MLLT3: variants seen among roughly 807,000 people sequenced by gnomAD.
MLLT3 encodes MLLT3 super elongation complex subunit, also known as protein AF-9.
Under a neutral mutation model 53.2 loss-of-function variants are expected in MLLT3, and 4 were observed. That is an observed-to-expected ratio of 0.08 (90% CI 0.04 to 0.17). MLLT3 has a LOEUF of 0.17. MLLT3 is among the 10% of genes least tolerant of loss of function. The probability of loss-of-function intolerance (pLI) is 1.00; values close to 1 mark genes in which losing one functional copy is unlikely to be tolerated. For synonymous variants in MLLT3, 283 were observed against 230.6 expected, an observed-to-expected ratio of 1.23 and a Z score of -2.06; for missense variants, 569 against 684.0, an observed-to-expected ratio of 0.83 and a Z score of 1.87.
chr9:20,538,602 GA>G (rs1818544707), intron 2 of MLLT3, among the ~76,000 whole-genome samples: 1 of 152,102 alleles, frequency 6.6e-6, no homozygotes, highest in Admixed American at 6.5e-5. Flanking sequence ...AGATAAAAGA[GA>G]AAAGAAGGAA....
At chr9:20,557,102 T>C (rs1184676018) in intron 2 of MLLT3, among the ~76,000 whole-genome samples, 1 of 152,102 alleles carries the variant, frequency 6.6e-6, no homozygotes, top group Non-Finnish European at 1.5e-5. Flanking sequence ...AGGAACATCA[T>C]TTCCTCCACA....
intron 5 of MLLT3, among the ~76,000 whole-genome samples, chr9:20,379,010 A>G (rs1296340729): frequency 6.6e-6 from 1 of 152,086 alleles, no homozygotes; most frequent in Non-Finnish European, 1.5e-5. Flanking sequence ...CACACATCTT[A>G]TATAAGCCTA....
chr9:20,476,534 G>T (rs1045854933), intron 2 of MLLT3, among the ~76,000 whole-genome samples: 1 of 151,944 alleles, frequency 6.6e-6, no homozygotes, highest in African/African-American at 2.4e-5. Context: ...AATAAGTAAT[G>T]TCAACTTAAT....
In MLLT3 at chr9:20,425,532, G is replaced by A. The variant is rs537128924; in HGVS notation, c.421-11107C>T. 2.3e-4 allele frequency among the ~76,000 whole-genome samples: 35 copies of A among 152,002 alleles called. 1 individual carries two copies. Among genetic ancestry groups the A allele is most frequent in the South Asian group, 1.0e-3 (5 of 4,818 alleles). On this transcript the variant is annotated intron_variant, in intron 4 of 10. Coordinates refer to ENST00000380338, the MANE Select transcript of MLLT3 (RefSeq NM_004529.4). ...ACTTTGTGAAATACATTTTGCATTA[G>A]AAAAATAAAAAGATAAATGATTCAA...
intron 2 of MLLT3, among the ~76,000 whole-genome samples, chr9:20,565,956 A>ATT (rs1283648782): frequency 0.076 from 1,536 of 20,264 alleles, 97 homozygotes; most frequent in African/African-American, 0.2. Flanking sequence ...ATATATATTT[A>ATT]TATATATATA....
intron 2 of MLLT3, among the ~76,000 whole-genome samples, chr9:20,613,113 TATA>T (rs752526010): frequency 3.9e-5 from 6 of 152,172 alleles, no homozygotes; most frequent in Non-Finnish European, 7.4e-5. Flanking sequence ...CGTGGCTCTT[TATA>T]GATGAAATGT....
At position 20,529,724 on chromosome 9, in the gene MLLT3, C is replaced by CTT. The variant is rs5896896; in HGVS notation, c.194-72940_194-72939dup. ...ACTAGAAAAGATGATTAATCCAATC[C>CTT]TTTTTTTTTTTTTTTTTTTTTTTTG... On this transcript the variant is annotated intron_variant, in intron 2 of 10. Coordinates refer to ENST00000380338, the MANE Select transcript of MLLT3 (RefSeq NM_004529.4). 3.2e-3 allele frequency among the ~76,000 whole-genome samples: 246 copies of CTT among 76,390 alleles called. 1 individual carries two copies. The highest frequency in any genetic ancestry group is 4.9e-3 in the African/African-American group (92 of 18,872). 50.1% of individuals were successfully genotyped at this position (76,390 alleles called of 152,430 possible). A position where few individuals can be genotyped will look rare whatever the true frequency, so the allele number is the denominator to read the frequency against.
At chr9:20,579,029 T>C (rs4977429) in intron 2 of MLLT3, among the ~76,000 whole-genome samples, 64,192 of 152,012 alleles carry the variant, frequency 0.42, 14,030 homozygotes, top group Middle Eastern at 0.5. Context: ...CCTTAAGGAA[T>C]GTAAAACATT....
intron 4 of MLLT3, among the ~76,000 whole-genome samples, chr9:20,415,844 C>T (rs1401535299): frequency 6.6e-6 from 1 of 151,800 alleles, no homozygotes; most frequent in African/African-American, 2.4e-5. Context: ...ACTTATTGTT[C>T]TATATTAGTA....
Position 20,620,866 on chromosome 9 carries a change from A to T in MLLT3, c.13-32T>A. 1.2e-6 allele frequency: 2 copies of T among 1,612,732 alleles called. No homozygotes were observed. The highest frequency in any genetic ancestry group is 1.7e-6 in the Non-Finnish European group (2 of 1,179,170). ...GCAGGGGGAGGAGAGACAGCCGTGA[A>T]TAACAGGAAGGCGAGGTTTCGGCAG... On this transcript the variant is annotated intron_variant, in intron 1 of 10. Coordinates refer to ENST00000380338, the MANE Select transcript of MLLT3 (RefSeq NM_004529.4). This position sits in a 1 kb window ranked among gnomAD's most constrained non-coding sequence, Gnocchi z 6.1.
chr9:20,370,602 C>T (rs902870540), intron 5 of MLLT3, among the ~76,000 whole-genome samples: 1 of 151,996 alleles, frequency 6.6e-6, no homozygotes, highest in Non-Finnish European at 1.5e-5. Flanking sequence ...CCTCTGCCTT[C>T]CGGGTTCAAG....
At chr9:20,474,628 C>T (rs896378056) in intron 2 of MLLT3, among the ~76,000 whole-genome samples, 1 of 151,934 alleles carries the variant, frequency 6.6e-6, no homozygotes, top group African/African-American at 2.4e-5. Flanking sequence ...AGCCCCCTCT[C>T]TGATCTAGCT....
chr9:20,490,552 G>A (rs1334730171), intron 2 of MLLT3, among the ~76,000 whole-genome samples: 2 of 152,194 alleles, frequency 1.3e-5, no homozygotes, highest in Non-Finnish European at 2.9e-5. Context: ...CAACCTGAAT[G>A]AACCTGGGAG....
intron 10 of MLLT3, among the ~76,000 whole-genome samples, chr9:20,347,442 G>C (rs768634404): frequency 4.6e-5 from 7 of 152,142 alleles, no homozygotes; most frequent in Non-Finnish European, 7.4e-5. Flanking sequence ...ATTTCTTCTT[G>C]TATTGGCTCC....
intron 2 of MLLT3, among the ~76,000 whole-genome samples, chr9:20,517,615 T>C (rs1180493421): frequency 6.6e-6 from 1 of 151,658 alleles, no homozygotes; most frequent in Non-Finnish European, 1.5e-5. Flanking sequence ...GGCAGATGGA[T>C]CACTTAAGGT....
rs983463997 is a variant in MLLT3 at position 20,443,179 on chromosome 9, C to G, written c.420+4944G>C. ...GCAGCAGGAACAAACAAACACCCAACACCCTACCACCATCCCATAAAAAAC... is the reference window on the plus strand; with the variant it reads ...GCAGCAGGAACAAACAAACACCCAAGACCCTACCACCATCCCATAAAAAAC... On this transcript the variant is annotated intron_variant, in intron 4 of 10. Transcript: ENST00000380338. 3.9e-5 allele frequency among the ~76,000 whole-genome samples: 6 copies of G among 152,190 alleles called. No homozygotes were observed. The East Asian group carries it at 1.2e-3, about 29-fold the overall frequency.
At chr9:20,394,210 G>A (rs1822262354) in intron 5 of MLLT3, among the ~76,000 whole-genome samples, 2 of 152,140 alleles carry the variant, frequency 1.3e-5, no homozygotes, top group African/African-American at 4.8e-5. Flanking sequence ...AAGGTCCAGG[G>A]TTGGGGGGAG....
chr9:20,514,563 T>C (rs1817855569), intron 2 of MLLT3, among the ~76,000 whole-genome samples: 1 of 151,984 alleles, frequency 6.6e-6, no homozygotes, highest in Non-Finnish European at 1.5e-5. Flanking sequence ...GTCCCCCATA[T>C]CAAATGAGAA....
Position 20,345,852 on chromosome 9 carries a change from T to C in MLLT3, c.*591A>G, listed in dbSNP as rs1820851757. On this transcript the variant is annotated 3_prime_UTR_variant, in exon 11 of 11. Coordinates refer to ENST00000380338, the MANE Select transcript of MLLT3 (RefSeq NM_004529.4). ...AACTGGAAAAACAAAAGGTGGAAAA[T>C]ACAGACTGCAACGAGTTAAAGGACT... is the stretch of plus-strand genomic sequence containing the variant. The C allele has an allele frequency of 4.4e-6, 1 of 226,772 alleles. No homozygotes were observed. The highest frequency in any genetic ancestry group is 2.2e-5 in the African/African-American group (1 of 44,906). The allele number at this position is 226,772 out of a possible 1,614,324, so 14.0% of individuals were successfully genotyped here.
Sources: gnomAD v4.1 joint callset for allele counts (sites outside exome capture counted in the v4.1 genomes callset) on GRCh38, gnomAD v4.1.1 for gene constraint, Gnocchi (gnomAD v3.1) non-coding constraint, MANE v1.5 for transcripts, NCBI Gene and HGNC (gene_info 2026-07-23, HGNC 2026-07-21) for gene names.